The following BRWD1 variants were observed in gnomAD, a reference collection of about 807,000 sequenced individuals.
BRWD1 encodes bromodomain and WD repeat domain containing 1.
BRWD1 carries 82 observed loss-of-function variants against 251.2 expected under a neutral mutation model. That is an observed-to-expected ratio of 0.33 (90% CI 0.27 to 0.39). BRWD1 has a LOEUF of 0.39. Among genes scored for constraint, BRWD1 ranks in the 10% least tolerant of loss-of-function variants. The probability of loss-of-function intolerance (pLI) is 1.00; values close to 1 mark genes in which losing one functional copy is unlikely to be tolerated. For missense variants in BRWD1, 2,233 were observed against 2,711.6 expected, an observed-to-expected ratio of 0.82 and a Z score of 3.92; for synonymous variants, 918 against 902.8, an observed-to-expected ratio of 1.02 and a Z score of -0.30.
chr21:39,270,930 T>G lies in BRWD1; in HGVS notation c.1245-497A>C, dbSNP rs530045234. Among the ~76,000 whole-genome samples, 626 of 152,358 alleles carry G rather than the reference T, an allele frequency of 4.1e-3. 4 individuals carry two copies. The highest frequency in any genetic ancestry group is 0.014 in the African/African-American group (594 of 41,590). On this transcript the variant is annotated intron_variant, in intron 13 of 40. Transcript: ENST00000342449. ...CTCTTCATACAACTTTCCTACAGTC[T>G]ACTCCTACAGGCCCCTTGGCAAGAA...
At chr21:39,297,403 T>C in intron 5 of BRWD1, 1 of 985,410 alleles carries the variant, frequency 1.0e-6, no homozygotes, top group Non-Finnish European at 1.2e-6. Context: ...GGCAGCTTGC[T>C]GAAGACTCTT....
rs765233429 is a variant in BRWD1 at position 39,232,271 on chromosome 21, C to T, written c.2906G>A (p.Arg969Gln). The T allele has an allele frequency of 2.0e-5, 32 of 1,611,540 alleles. No homozygotes were observed. The Admixed American group carries it at 4.9e-4, about 25-fold the overall frequency. Residue 969 changes from arginine to glutamine, a missense_variant, in exon 25 of 41, where the codon CGA becomes CAA. Transcript: ENST00000342449. ...CTCAATATAAGCTTCATGACCCTGT[C>T]GAAAATATATTACCTACAAAAGGGA... The part of the protein sequence containing the change: ...PQMGDEVIYF[R>Q]QGHEAYIEAV...
intron 32 of BRWD1, among the ~76,000 whole-genome samples, chr21:39,213,897 G>A (rs1176594339): frequency 6.7e-6 from 1 of 150,014 alleles, no homozygotes; most frequent in Non-Finnish European, 1.5e-5. Context: ...GAAAACAGTT[G>A]ATTTAAGGTA....
intron 17 of BRWD1, among the ~76,000 whole-genome samples, chr21:39,259,972 C>G (rs1482085475): frequency 1.3e-5 from 2 of 152,080 alleles, no homozygotes; most frequent in Non-Finnish European, 2.9e-5. Context: ...ATGGGATGGG[C>G]AAGGGAGGAC....
intron 4 of BRWD1, among the ~76,000 whole-genome samples, chr21:39,299,115 T>C (rs2146764647): frequency 6.6e-6 from 1 of 152,102 alleles, no homozygotes; most frequent in South Asian, 2.1e-4. Context: ...CCCAGCTACT[T>C]GGGAGGCTGA....
At position 39,194,326 on chromosome 21, in the gene BRWD1, T is replaced by C. The variant is rs1018242023; in HGVS notation, c.*1933A>G. ...GGAGTTAAAACCTGAGAACAGATTA[T>C]AAAAGAGAAGGTTAAGAAGAGTTTA... On this transcript the variant is annotated 3_prime_UTR_variant, in exon 41 of 41. Coordinates refer to ENST00000342449, the MANE Select transcript of BRWD1 (RefSeq NM_033656.4). 2.0e-6 allele frequency: 2 copies of C among 1,016,404 alleles called. No individual in the cohort carries two copies. The highest frequency in any genetic ancestry group is 3.4e-5 in the African/African-American group (2 of 58,074). The allele number at this position is 1,016,404 out of a possible 1,614,324, so 63.0% of individuals were successfully genotyped here.
chr21:39,291,199 A>G (rs1210526177), intron 8 of BRWD1, among the ~76,000 whole-genome samples: 3 of 152,238 alleles, frequency 2.0e-5, no homozygotes, highest in Non-Finnish European at 4.4e-5. Context: ...AATACTGACT[A>G]GAACAAAAGT....
chr21:39,298,011 A>C, intron 5 of BRWD1: 8 of 986,046 alleles, frequency 8.1e-6, no homozygotes, highest in Non-Finnish European at 9.6e-6. Context: ...CTGCTACCAA[A>C]TTTAGAAAAT....
chr21:39,318,716 C>G (rs2036721408), upstream of BRWD1, among the ~76,000 whole-genome samples: 1 of 152,122 alleles, frequency 6.6e-6, no homozygotes, highest in South Asian at 2.1e-4. Flanking sequence ...ACAGTCAGAG[C>G]TCACTGCAGC....
rs1162534050 is a variant in BRWD1 at position 39,189,893 on chromosome 21, TAAG to T, written c.*6363_*6365del. On this transcript the variant is annotated 3_prime_UTR_variant, in exon 41 of 41. Transcript: ENST00000342449. Reference sequence around the variant, plus strand: ...CATTTGTGATGGTGCCATGTGATACTAAGAAGTCAGTAGAATCCCACCAGTCCT... The same window carrying T: ...CATTTGTGATGGTGCCATGTGATACTAAGTCAGTAGAATCCCACCAGTCCT... The T allele has an allele frequency of 1.6e-5, 16 of 985,288 alleles. No homozygotes were observed. Among genetic ancestry groups the T allele is most frequent in the African/African-American group, 3.5e-5 (2 of 57,236 alleles). 61.0% of individuals were successfully genotyped at this position (985,288 alleles called of 1,614,324 possible).
intron 8 of BRWD1, 60 bp from the exon 9 acceptor site, chr21:39,280,308 T>C (rs2035416174): frequency 2.2e-6 from 3 of 1,333,844 alleles, no homozygotes; most frequent in South Asian, 2.6e-5. Flanking sequence ...TACAGTTTAA[T>C]AGTCTTGCAA....
In BRWD1 at chr21:39,199,505, G is replaced by C; in HGVS notation, c.4911C>G (p.Ala1637=). Residue 1637 remains alanine (A), a synonymous_variant, in exon 40 of 41, where the codon GCC becomes GCG. Coordinates refer to ENST00000342449, the MANE Select transcript of BRWD1 (RefSeq NM_033656.4). ...CATCACTCATTAGCTTTATTTTATT[G>C]GCAGCCACAGCAGCACACTTCCTTA... is the stretch of plus-strand genomic sequence containing the variant. The part of the protein sequence containing the change: ...KVLRKCAAVA[A]NKIKLMSDVE... The C allele has an allele frequency of 1.2e-6, 2 of 1,613,964 alleles. No individual in the cohort carries two copies. The highest frequency in any genetic ancestry group is 1.7e-6 in the Non-Finnish European group (2 of 1,179,994).
chr21:39,213,901 T>A (rs1481116180), intron 32 of BRWD1, among the ~76,000 whole-genome samples: 2 of 150,208 alleles, frequency 1.3e-5, no homozygotes, highest in African/African-American at 4.9e-5. Flanking sequence ...ACAGTTGATT[T>A]AAGGTAAAAA....
At position 39,218,997 on chromosome 21, in the gene BRWD1, A is replaced by G. The variant is rs139354872; in HGVS notation, c.3383-337T>C. ...ACAATATTCAAAATTTTAAGCTTAC[A>G]TACAGTTAAAATTTTTAAATTAAAA... On this transcript the variant is annotated intron_variant, in intron 29 of 40. Coordinates refer to ENST00000342449, the MANE Select transcript of BRWD1 (RefSeq NM_033656.4). Among the ~76,000 whole-genome samples the G allele has an allele frequency of 3.7e-3, 563 of 152,060 alleles. 4 individuals are homozygous for G. Among genetic ancestry groups the G allele is most frequent in the African/African-American group, 0.013 (538 of 41,456 alleles).
intron 4 of BRWD1, among the ~76,000 whole-genome samples, chr21:39,309,177 AAAAAC>A (rs1351135854): frequency 6.6e-6 from 1 of 151,700 alleles, no homozygotes; most frequent in African/African-American, 2.4e-5. Context: ...CATCTCAAAA[AAAAAC>A]AAAACAAAAA....
intron 20 of BRWD1, among the ~76,000 whole-genome samples, chr21:39,248,687 G>C (rs552951175): frequency 3.5e-5 from 5 of 144,396 alleles, no homozygotes; most frequent in Admixed American, 2.8e-4. Context: ...AAAAACACTG[G>C]GGGGTGGAGG....
intron 13 of BRWD1, 119 bp downstream of exon 13, chr21:39,274,255 A>C: frequency 1.4e-6 from 1 of 740,516 alleles, no homozygotes; most frequent in South Asian, 1.6e-5. Context: ...TCGTAATAGA[A>C]GGTAGCTATA....
At chr21:39,236,479 A>G (rs1349177254) in intron 23 of BRWD1, 116 bp downstream of exon 23, 2 of 981,718 alleles carry the variant, frequency 2.0e-6, no homozygotes, top group South Asian at 1.7e-5. Flanking sequence ...AGCAGGGCCC[A>G]AGACACCCAA....
At position 39,194,529 on chromosome 21, in the gene BRWD1, C is replaced by T. The variant is rs1488531480; in HGVS notation, c.*1730G>A. On this transcript the variant is annotated 3_prime_UTR_variant, in exon 41 of 41. Transcript: ENST00000342449. ...ATAGTTCTGAAATGGTGATAGCTCTCTAAGCCACAAATGAGAGGAGGTTTC... is the reference window on the plus strand; with the variant it reads ...ATAGTTCTGAAATGGTGATAGCTCTTTAAGCCACAAATGAGAGGAGGTTTC... 176 of 1,435,892 alleles carry T rather than the reference C, an allele frequency of 1.2e-4. 2 individuals carry two copies. In the East Asian group the frequency reaches 4.4e-3, roughly 36 times the overall value. 88.9% of individuals were successfully genotyped at this position (1,435,892 alleles called of 1,614,324 possible).
Sources: allele counts gnomAD v4.1 joint callset (sites outside exome capture counted in the v4.1 genomes callset), GRCh38; gene constraint gnomAD v4.1.1; transcripts MANE v1.5; gene names NCBI Gene and HGNC (gene_info 2026-07-23, HGNC 2026-07-21).